The following TRPM3 variants were observed in gnomAD, a reference collection of about 807,000 sequenced individuals.
The protein encoded by TRPM3 is transient receptor potential cation channel subfamily M member 3, also known as long transient receptor potential channel 3.
Under a neutral mutation model 181.2 loss-of-function variants are expected in TRPM3, and 77 were observed. The ratio of observed to expected loss-of-function variants is 0.42; its 90% CI spans 0.35 to 0.51. The LOEUF is 0.51. Among genes scored for constraint, TRPM3 ranks in the 20% least tolerant of loss-of-function variants. The probability of loss-of-function intolerance (pLI) is 0.01; values close to 1 mark genes in which losing one functional copy is unlikely to be tolerated. For synonymous variants in TRPM3, 745 were observed against 796.4 expected (o/e 0.94, Z 1.09); for missense variants, 1,759 against 2,196.7 (o/e 0.80, Z 3.98).
At chr9:71,179,741 C>A (rs945515322) in intron 1 of TRPM3, among the ~76,000 whole-genome samples, 5 of 152,060 alleles carry the variant, frequency 3.3e-5, no homozygotes, top group Non-Finnish European at 7.4e-5. Flanking sequence ...TCAAACATAA[C>A]CTACATATAT....
intron 1 of TRPM3, among the ~76,000 whole-genome samples, chr9:71,296,432 A>G (rs534199751): frequency 6.6e-6 from 1 of 152,196 alleles, no homozygotes; most frequent in East Asian, 1.9e-4. Context: ...GACCTAGACT[A>G]GAATACAAAG....
chr9:71,284,257 T>C (rs1272321109), intron 1 of TRPM3, among the ~76,000 whole-genome samples: 1 of 152,256 alleles, frequency 6.6e-6, no homozygotes, highest in Admixed American at 6.5e-5. Context: ...TAATTTATAC[T>C]TGCCAACATA....
intron 9 of TRPM3, among the ~76,000 whole-genome samples, chr9:70,655,846 T>G (rs2060260533): frequency 6.7e-6 from 1 of 149,158 alleles, no homozygotes; most frequent in Non-Finnish European, 1.5e-5. Context: ...TATCAAGAAT[T>G]TGAAAGTCTA....
chr9:70,770,007 C>T (rs1284048930), intron 7 of TRPM3, among the ~76,000 whole-genome samples: 1 of 152,136 alleles, frequency 6.6e-6, no homozygotes, highest in Non-Finnish European at 1.5e-5. Context: ...TTTTACAATC[C>T]AGCAATTTGG....
chr9:71,210,975 C>T (rs1353117560), intron 1 of TRPM3, among the ~76,000 whole-genome samples: 2 of 152,180 alleles, frequency 1.3e-5, no homozygotes, highest in African/African-American at 2.4e-5. Flanking sequence ...GATTAGGGCT[C>T]CACCCTATGA....
intron 25 of TRPM3, among the ~76,000 whole-genome samples, chr9:70,545,143 T>C (rs1310758493): frequency 1.3e-5 from 2 of 152,252 alleles, no homozygotes; most frequent in Non-Finnish European, 2.9e-5. Context: ...TAGCTAGTTA[T>C]TGCAGAATTA....
chr9:71,221,414 TAAAA>T (rs956140830), intron 1 of TRPM3, among the ~76,000 whole-genome samples: 2 of 152,272 alleles, frequency 1.3e-5, no homozygotes, highest in African/African-American at 4.8e-5. Flanking sequence ...AGGAGCCAAA[TAAAA>T]AATAATTTTA....
intron 1 of TRPM3, among the ~76,000 whole-genome samples, chr9:70,973,111 A>T (rs1353367666): frequency 6.6e-6 from 1 of 152,204 alleles, no homozygotes. Flanking sequence ...AGGCCCTGGA[A>T]TTTGTTTCTG....
chr9:71,337,112 TTAAAC>T (rs1402360495), intron 1 of TRPM3, among the ~76,000 whole-genome samples: 2 of 152,118 alleles, frequency 1.3e-5, no homozygotes, highest in African/African-American at 4.8e-5. Context: ...TGGGGTCTAA[TTAAAC>T]TAAAGAGCTT....
chr9:71,426,287 CT>C (rs11431412), intron 1 of TRPM3, among the ~76,000 whole-genome samples: 8 of 147,676 alleles, frequency 5.4e-5, no homozygotes, highest in Admixed American at 6.8e-5. Flanking sequence ...CCCAGCAACT[CT>C]TTTTTTTTTT....
intron 1 of TRPM3, among the ~76,000 whole-genome samples, chr9:71,036,697 C>T (rs755493122): frequency 6.6e-6 from 1 of 152,172 alleles, no homozygotes; most frequent in Non-Finnish European, 1.5e-5. Flanking sequence ...TGAAAGACGG[C>T]CAAGTTTGCA....
chr9:70,872,102 G>A (rs934729840), intron 1 of TRPM3, among the ~76,000 whole-genome samples: 10 of 152,086 alleles, frequency 6.6e-5, no homozygotes, highest in African/African-American at 1.9e-4. Flanking sequence ...GTTAGCAAAC[G>A]TTTTCTGCTA....
At chr9:70,889,000 G>C (rs142756775) in intron 1 of TRPM3, among the ~76,000 whole-genome samples, 65 of 152,224 alleles carry the variant, frequency 4.3e-4, no homozygotes, top group Non-Finnish European at 7.9e-4. Context: ...CAAAATTTTT[G>C]GAAATTTCAA....
chr9:71,304,343 T>C (rs1486920957), intron 1 of TRPM3, among the ~76,000 whole-genome samples: 2 of 152,224 alleles, frequency 1.3e-5, no homozygotes, highest in Non-Finnish European at 2.9e-5. Context: ...TGCAGGAGCC[T>C]CTTGTGGATG....
intron 1 of TRPM3, among the ~76,000 whole-genome samples, chr9:71,421,711 C>T (rs1476356311): frequency 1.3e-5 from 2 of 152,036 alleles, no homozygotes; most frequent in African/African-American, 2.4e-5. Context: ...AAGGTACAGC[C>T]TATTGCTCCT....
chr9:71,186,268 A>G (rs550717925), intron 1 of TRPM3, among the ~76,000 whole-genome samples: 1 of 152,200 alleles, frequency 6.6e-6, no homozygotes, highest in East Asian at 1.9e-4. Context: ...ATGGGAGGTT[A>G]TGGCTTCAAT....
At chr9:70,841,995 T>G (rs1045052768) in intron 5 of TRPM3, among the ~76,000 whole-genome samples, 3 of 151,932 alleles carry the variant, frequency 2.0e-5, no homozygotes, top group Non-Finnish European at 4.4e-5. Flanking sequence ...AGGTGATGGG[T>G]ACACTAAAAG....
chr9:70,970,652 C>T (rs1240416067), intron 1 of TRPM3, among the ~76,000 whole-genome samples: 4 of 152,084 alleles, frequency 2.6e-5, no homozygotes, highest in Admixed American at 6.6e-5. Flanking sequence ...ATATTTACTG[C>T]AATAAACTGT....
chr9:71,410,764 C>T (rs896850434), intron 1 of TRPM3, among the ~76,000 whole-genome samples: 3 of 152,118 alleles, frequency 2.0e-5, no homozygotes, highest in African/African-American at 4.8e-5. Context: ...TTTATGAGGC[C>T]AGCATCATCC....
Sources: allele counts gnomAD v4.1 joint callset (sites outside exome capture counted in the v4.1 genomes callset), GRCh38; gene constraint gnomAD v4.1.1; transcripts MANE v1.5; gene names NCBI Gene and HGNC (gene_info 2026-07-23, HGNC 2026-07-21).